The following PRR16 variants were observed in gnomAD, a reference collection of about 807,000 sequenced individuals.
The protein encoded by PRR16 is proline rich 16, also known as protein Largen.
PRR16 carries 6 observed loss-of-function variants against 18.2 expected under a neutral mutation model. That is an observed-to-expected ratio of 0.33 (90% CI 0.18 to 0.65). The LOEUF is 0.65. Ranked by LOEUF, PRR16 falls within the 30% of genes least tolerant of loss-of-function variation. The pLI is 0.74. For missense variants in PRR16, 412 were observed against 376.6 expected (o/e 1.09, Z -0.78); for synonymous variants, 151 against 147.8 (o/e 1.02, Z -0.16).
At chr5:120,469,486 C>T (rs1396676409) in intron 1 of PRR16, among the ~76,000 whole-genome samples, 1 of 147,326 alleles carries the variant, frequency 6.8e-6, no homozygotes, top group East Asian at 1.9e-4. Flanking sequence ...CCATGCCTGG[C>T]TAATTTTTAA....
chr5:120,558,041 G>T (rs555821139), intron 1 of PRR16, among the ~76,000 whole-genome samples: 1 of 151,854 alleles, frequency 6.6e-6, no homozygotes, highest in African/African-American at 2.4e-5. Context: ...GTATATTTAT[G>T]GGGTACATTA....
At chr5:120,710,428 G>C in the PRR16 span, among the ~76,000 whole-genome samples, 1 of 152,028 alleles carries the variant, frequency 6.6e-6, no homozygotes, top group African/African-American at 2.4e-5. Context: ...AGTCATTATG[G>C]GGGCATGTGA....
chr5:120,609,916 C>T (rs1376113603), intron 1 of PRR16, among the ~76,000 whole-genome samples: 4 of 152,150 alleles, frequency 2.6e-5, no homozygotes, highest in African/African-American at 7.2e-5. Flanking sequence ...TTCTCAGGCA[C>T]CTCCTGAAGT....
At chr5:120,595,752 A>C (rs192066201) in intron 1 of PRR16, among the ~76,000 whole-genome samples, 1 of 151,974 alleles carries the variant, frequency 6.6e-6, no homozygotes, top group Non-Finnish European at 1.5e-5. Context: ...TGATGTTCTT[A>C]TGATTCTCCT....
At chr5:120,599,086 CA>C (rs543511530) in intron 1 of PRR16, among the ~76,000 whole-genome samples, 173 of 151,744 alleles carry the variant, frequency 1.1e-3, no homozygotes, top group African/African-American at 4.1e-3. Context: ...ATATTTTGTG[CA>C]TTCTACCTAT....
intron 1 of PRR16, among the ~76,000 whole-genome samples, chr5:120,637,469 G>T (rs1755274755): frequency 6.6e-6 from 1 of 151,936 alleles, no homozygotes; most frequent in South Asian, 2.1e-4. Flanking sequence ...ATACTACTCA[G>T]CCATAAAAAG....
At chr5:120,766,161 T>TAAGTACATACTTCAAATAGCTTTCCG in the PRR16 span, among the ~76,000 whole-genome samples, 1 of 152,024 alleles carries the variant, frequency 6.6e-6, no homozygotes, top group African/African-American at 2.4e-5. Context: ...ATTTTTAGCT[T>TAAGTACATACTTCAAATAGCTTTCCG]AAGTACATAC....
At chr5:120,577,823 C>G (rs984495140) in intron 1 of PRR16, among the ~76,000 whole-genome samples, 37 of 152,254 alleles carry the variant, frequency 2.4e-4, no homozygotes, top group African/African-American at 8.9e-4. Flanking sequence ...TTCCCAGCAA[C>G]TGGGGATGGA....
chr5:120,765,922 T>G, the PRR16 span, among the ~76,000 whole-genome samples: 1 of 152,054 alleles, frequency 6.6e-6, no homozygotes, highest in Non-Finnish European at 1.5e-5. Flanking sequence ...ACCATGTTGT[T>G]GCGTGTGGAT....
At chr5:120,538,708 GA>G (rs1213012918) in intron 1 of PRR16, among the ~76,000 whole-genome samples, 2 of 152,120 alleles carry the variant, frequency 1.3e-5, no homozygotes, top group African/African-American at 2.4e-5. Context: ...TGCAGTTGCA[GA>G]AAAAAAGAAG....
At chr5:120,689,302 A>G (rs1379839623), downstream of PRR16, among the ~76,000 whole-genome samples, 1 of 152,202 alleles carries the variant, frequency 6.6e-6, no homozygotes, top group African/African-American at 2.4e-5. Flanking sequence ...CATATATACA[A>G]ACTTGTAAAA....
chr5:120,485,178 C>T (rs1239016448), intron 1 of PRR16, among the ~76,000 whole-genome samples: 2 of 152,014 alleles, frequency 1.3e-5, no homozygotes, highest in African/African-American at 4.8e-5. Flanking sequence ...AATTAACTTG[C>T]TAAACATTTA....
the PRR16 span, among the ~76,000 whole-genome samples, chr5:120,786,430 T>C: frequency 1.3e-5 from 2 of 151,400 alleles, no homozygotes; most frequent in African/African-American, 4.8e-5. Flanking sequence ...ACAGATTTTT[T>C]TTAACATGAT....
the PRR16 span, among the ~76,000 whole-genome samples, chr5:120,733,754 A>T: frequency 6.6e-6 from 1 of 152,172 alleles, no homozygotes; most frequent in Non-Finnish European, 1.5e-5. Flanking sequence ...TAATGAATTG[A>T]TTAAAATAGT....
intron 1 of PRR16, among the ~76,000 whole-genome samples, chr5:120,639,765 T>A (rs1755360538): frequency 6.6e-6 from 1 of 151,520 alleles, no homozygotes; most frequent in Admixed American, 6.6e-5. Flanking sequence ...AGAGCTACAA[T>A]CAATCCAGCA....
At chr5:120,704,539 A>T in the PRR16 span, among the ~76,000 whole-genome samples, 1 of 152,186 alleles carries the variant, frequency 6.6e-6, no homozygotes, top group Non-Finnish European at 1.5e-5. Context: ...TAGAGCACCA[A>T]TGTACTCAAG....
chr5:120,678,697 A>G (rs774473729), intron 1 of PRR16, among the ~76,000 whole-genome samples: 3 of 152,166 alleles, frequency 2.0e-5, no homozygotes, highest in Non-Finnish European at 4.4e-5. Flanking sequence ...TGGAGTTTCT[A>G]GTCTTTTCTA....
the PRR16 span, among the ~76,000 whole-genome samples, chr5:120,754,047 T>A: frequency 1.5e-5 from 2 of 129,102 alleles, no homozygotes; most frequent in African/African-American, 5.8e-5. Flanking sequence ...AGTATCGTAT[T>A]CATCTGCTGA....
At chr5:120,765,621 TATTGAATTGCAATATGTATACATTA>T in the PRR16 span, among the ~76,000 whole-genome samples, 1 of 152,066 alleles carries the variant, frequency 6.6e-6, no homozygotes, top group Non-Finnish European at 1.5e-5. Flanking sequence ...TAAAAACCTT[TATTGAATTGCAATATGTATACATTA>T]ATGTCCACCT....
Sources: allele counts gnomAD v4.1 joint callset (sites outside exome capture counted in the v4.1 genomes callset), GRCh38; gene constraint gnomAD v4.1.1; transcripts MANE v1.5; gene names NCBI Gene and HGNC (gene_info 2026-07-23, HGNC 2026-07-21).